Variants in LCLAT1 observed in about 807,000 individuals in gnomAD.
The protein encoded by LCLAT1 is lysocardiolipin acyltransferase 1, also known as 1-AGP acyltransferase 8.
In LCLAT1, 11 loss-of-function variants were observed where a neutral mutation model predicts 30.7. That is an observed-to-expected ratio of 0.36 (90% confidence interval 0.23 to 0.59). The LOEUF is 0.59. Ranked by LOEUF, LCLAT1 falls within the 20% of genes least tolerant of loss-of-function variation. The pLI is 0.77. For missense variants in LCLAT1, 402 were observed against 458.6 expected (o/e 0.88, Z 1.13); for synonymous variants, 155 against 151.3 (o/e 1.02, Z -0.18).
chr2:30,605,629 T>A lies in LCLAT1; in HGVS notation c.629-34488T>A, dbSNP rs146019212. On this transcript the variant is annotated intron_variant, in intron 5 of 5. Transcript: ENST00000379509. ...AAGCTTAATTTCTTCATCAGTGACA[T>A]AATTCTCACTAAGAGTGAAATATAC... Among the ~76,000 whole-genome samples, 241 of 152,280 alleles carry A rather than the reference T, an allele frequency of 1.6e-3. 1 individual carries two copies. The highest frequency in any genetic ancestry group is 5.4e-3 in the African/African-American group (225 of 41,564).
chr2:30,568,054 G>A lies in LCLAT1; in HGVS notation c.512-6G>A, dbSNP rs1665578851. The A allele has an allele frequency of 4.8e-6, 7 of 1,449,538 alleles. No individual in the cohort carries two copies. The highest frequency in any genetic ancestry group is 3.6e-5 in the Admixed American group (2 of 55,720). 89.8% of individuals were successfully genotyped at this position (1,449,538 alleles called of 1,614,324 possible). ...ATGATTTATAATGGTCCATTGTTTT[G>A]TTTAGAAAACAGCAAGTCTCGAAGT... is the stretch of plus-strand genomic sequence containing the variant. On this transcript the variant is annotated splice_polypyrimidine_tract_variant and splice_region_variant and intron_variant, in intron 4 of 5. Transcript: ENST00000379509.
chr2:30,638,932 A>G (rs1349354377), intron 5 of LCLAT1, among the ~76,000 whole-genome samples: 1 of 151,580 alleles, frequency 6.6e-6, no homozygotes, highest in African/African-American at 2.4e-5. Flanking sequence ...TGCCTGCTGT[A>G]TTGTAGTAGC....
At chr2:30,632,627 A>G (rs1389264750) in intron 5 of LCLAT1, among the ~76,000 whole-genome samples, 1 of 152,246 alleles carries the variant, frequency 6.6e-6, no homozygotes, top group Non-Finnish European at 1.5e-5. Context: ...TATCCCACCT[A>G]GAGGAAGAAT....
rs1232259578 is a variant in LCLAT1 at position 30,641,426 on chromosome 2, A to G, written c.*807A>G. 6.6e-6 allele frequency: 1 copy of G among 152,208 alleles called. No homozygotes were observed. Among genetic ancestry groups the G allele is most frequent in the Non-Finnish European group, 1.5e-5 (1 of 68,026 alleles). 9.4% of individuals were successfully genotyped at this position (152,208 alleles called of 1,614,324 possible). On this transcript the variant is annotated 3_prime_UTR_variant, in exon 6 of 6. Coordinates refer to ENST00000379509, the MANE Select transcript of LCLAT1 (RefSeq NM_001002257.3). ...TAGCTTTTTCTGTTAAAAATGGTAT[A>G]CATGAAGTCACATACTTTTTTAAAG...
Position 30,591,700 on chromosome 2 carries a change from T to C in LCLAT1, c.628+23524T>C, listed in dbSNP as rs147797911. On this transcript the variant is annotated intron_variant, in intron 5 of 5. Transcript: ENST00000379509. Reference sequence around the variant, plus strand: ...TAAAACATAGACATGTCTTCCCTAATAGACTAGAGCCCACAGTCTATTAAG... The same window carrying C: ...TAAAACATAGACATGTCTTCCCTAACAGACTAGAGCCCACAGTCTATTAAG... Among the ~76,000 whole-genome samples the C allele has an allele frequency of 3.6e-3, 546 of 152,278 alleles. 2 individuals carry two copies. Among genetic ancestry groups the C allele is most frequent in the African/African-American group, 0.011 (474 of 41,564 alleles).
chr2:30,612,528 A>G (rs1434650636), intron 5 of LCLAT1, among the ~76,000 whole-genome samples: 2 of 152,146 alleles, frequency 1.3e-5, no homozygotes, highest in East Asian at 3.9e-4. Context: ...CTGAAACATT[A>G]TTATCTCAGC....
chr2:30,640,240 C>A lies in LCLAT1; in HGVS notation c.752C>A (p.Pro251Gln). The change falls in exon 6 of 6, where the codon CCA becomes CAA. Residue 251 changes from proline (P) to glutamine (Q), a missense_variant. Physicochemically the swap from Pro to Gln is moderately conservative, Grantham distance 76 (BLOSUM62 -1). Coordinates refer to ENST00000379509, the MANE Select transcript of LCLAT1 (RefSeq NM_001002257.3). ...REIHFHVHRY[P>Q]IDTLPTSKED... ...ATCCACTTTCACGTCCACCGGTATC[C>A]AATAGACACCCTCCCCACATCCAAG... 1.9e-6 allele frequency: 3 copies of A among 1,614,076 alleles called. No individual in the cohort carries two copies. Among genetic ancestry groups the A allele is most frequent in the Non-Finnish European group, 2.5e-6 (3 of 1,179,940 alleles).
intron 5 of LCLAT1, among the ~76,000 whole-genome samples, chr2:30,572,222 G>A (rs2148455489): frequency 6.6e-6 from 1 of 152,278 alleles, no homozygotes; most frequent in South Asian, 2.1e-4. Flanking sequence ...TGCTCATTTA[G>A]GACAGATCTT....
intron 5 of LCLAT1, among the ~76,000 whole-genome samples, chr2:30,595,453 G>C (rs1666891028): frequency 6.6e-6 from 1 of 152,082 alleles, no homozygotes; most frequent in Admixed American, 6.6e-5. Context: ...GCTCAACTTG[G>C]ATTCTTAGTG....
At chr2:30,485,673 A>G (rs537078875) in intron 1 of LCLAT1, among the ~76,000 whole-genome samples, 1 of 152,108 alleles carries the variant, frequency 6.6e-6, no homozygotes, top group Non-Finnish European at 1.5e-5. Context: ...TACTTTCTTC[A>G]TTGCTGTATT....
rs1197148954 is a variant in LCLAT1, at chr2:30,459,782, A to G, written c.-5+12399A>G. 1.9e-5 allele frequency: 22 copies of G among 1,130,430 alleles called. No individual in the cohort carries two copies. In the Admixed American group the frequency reaches 2.5e-4, roughly 13 times the overall value. 70.0% of individuals were successfully genotyped at this position (1,130,430 alleles called of 1,614,324 possible). On this transcript the variant is annotated intron_variant, in intron 1 of 5. Coordinates refer to ENST00000379509, the MANE Select transcript of LCLAT1 (RefSeq NM_001002257.3). ...TTTGTCTTGCTTCATATATCTGAAC[A>G]CAAAGCTTTTTGAATTGATCATAGT...
chr2:30,566,766 T>C (rs1446414529), intron 4 of LCLAT1, among the ~76,000 whole-genome samples: 1 of 152,250 alleles, frequency 6.6e-6, no homozygotes, highest in African/African-American at 2.4e-5. Flanking sequence ...AACACTTTAC[T>C]TTTTCCAAAT....
chr2:30,637,409 G>GAA (rs957076581), intron 5 of LCLAT1, among the ~76,000 whole-genome samples: 9 of 152,128 alleles, frequency 5.9e-5, no homozygotes, highest in Admixed American at 2.0e-4. Flanking sequence ...ATCAGCAATG[G>GAA]AATAGGGTCT....
intron 3 of LCLAT1, among the ~76,000 whole-genome samples, chr2:30,546,834 C>T (rs1664434626): frequency 6.6e-6 from 1 of 152,078 alleles, no homozygotes; most frequent in African/African-American, 2.4e-5. Context: ...ATATTTTTGA[C>T]TCTATCCAGT....
At position 30,594,240 on chromosome 2, in the gene LCLAT1, G is replaced by A. The variant is rs1371132628; in HGVS notation, c.628+26064G>A. Among the ~76,000 whole-genome samples the A allele has an allele frequency of 2.6e-5, 4 of 152,056 alleles. No homozygotes were observed. The Middle Eastern group carries it at 0.01, about 388-fold the overall frequency. On this transcript the variant is annotated intron_variant, in intron 5 of 5. Coordinates refer to ENST00000379509, the MANE Select transcript of LCLAT1 (RefSeq NM_001002257.3). ...AAGTTTCATAAACTTGTTCCTGACA[G>A]AATACATGTGTTTCTCCATATTCAA...
At chr2:30,557,404 AAAATTCACATC>A (rs1014109394) in intron 3 of LCLAT1, among the ~76,000 whole-genome samples, 2 of 151,686 alleles carry the variant, frequency 1.3e-5, no homozygotes, top group Non-Finnish European at 2.9e-5. Context: ...AAGGAGTGGA[AAAATTCACATC>A]AATTTTTTTT....
At chr2:30,553,440 A>G (rs1196850414) in intron 3 of LCLAT1, among the ~76,000 whole-genome samples, 1 of 152,250 alleles carries the variant, frequency 6.6e-6, no homozygotes, top group East Asian at 1.9e-4. Flanking sequence ...TATAGATTCT[A>G]TCTTTATAAA....
At chr2:30,523,450 A>G (rs1685569079) in intron 1 of LCLAT1, among the ~76,000 whole-genome samples, 1 of 151,876 alleles carries the variant, frequency 6.6e-6, no homozygotes, top group Non-Finnish European at 1.5e-5. Context: ...TACCATTATT[A>G]CTCCGTTACC....
chr2:30,492,817 A>C (rs954940555), intron 1 of LCLAT1, among the ~76,000 whole-genome samples: 1 of 152,226 alleles, frequency 6.6e-6, no homozygotes, highest in Non-Finnish European at 1.5e-5. Flanking sequence ...TCACATAGCA[A>C]ATAACTTGAC....
Sources: allele counts gnomAD v4.1 joint callset (sites outside exome capture counted in the v4.1 genomes callset), GRCh38; gene constraint gnomAD v4.1.1; transcripts MANE v1.5; gene names NCBI Gene and HGNC (gene_info 2026-07-23, HGNC 2026-07-21).